The following FER1L5 variants were observed in gnomAD, a reference collection of about 807,000 sequenced individuals.
FER1L5 encodes the protein fer-1-like protein 5.
In FER1L5, 187 loss-of-function variants were observed where a neutral mutation model predicts 279.9. The ratio of observed to expected loss-of-function variants is 0.67; its 90% CI spans 0.59 to 0.75. The LOEUF (loss-of-function observed/expected upper bound fraction) is 0.75, where lower values mean the gene tolerates loss of function less well. FER1L5 is among the 30% of genes least tolerant of loss of function. FER1L5 has a pLI of 0.00. For missense variants in FER1L5, 2,091 were observed against 2,594.4 expected (o/e 0.81, Z 4.21); for synonymous variants, 921 against 989.7 (o/e 0.93, Z 1.30).
rs1323753114 is a variant in FER1L5, at chr2:96,691,523, A to G, written c.2986A>G (p.Ser996Gly). 1.3e-6 allele frequency: 2 copies of G among 1,550,210 alleles called. No individual in the cohort carries two copies. Among genetic ancestry groups the G allele is most frequent in the African/African-American group, 1.4e-5 (1 of 73,000 alleles). The change falls in exon 29 of 53, where the codon AGC (serine) becomes GGC (glycine). Residue 996 changes from serine to glycine, a missense_variant. Ser to Gly is a moderately conservative substitution (Grantham distance 56). Coordinates refer to ENST00000624922, the MANE Select transcript of FER1L5 (RefSeq NM_001293083.2). The surrounding 1 kb of genome is among the most constrained non-coding windows in gnomAD (Gnocchi z 6.0). The stretch of plus-strand genomic sequence containing the variant: ...GTTCCACCTCAACCCTCAGCCCCAG[A>G]GCCGGTTCCGCCGCCGCTGCTGGCG... Reference protein sequence around the residue: ...SKFHLNPQPQSRFRRRCWRRR... With the variant: ...SKFHLNPQPQGRFRRRCWRRR...
At chr2:96,653,222 C>T (rs971707396) in intron 7 of FER1L5, 7 of 218,108 alleles carry the variant, frequency 3.2e-5, no homozygotes, top group Non-Finnish European at 6.3e-5. Flanking sequence ...ATAGGAAACC[C>T]TCTAGGAGCC....
chr2:96,696,014 C>T (rs375084903), intron 36 of FER1L5, 38 bp from the exon 37 acceptor site: 30 of 1,613,302 alleles, frequency 1.9e-5, no homozygotes, highest in Non-Finnish European at 2.5e-5. Context: ...CAGCCCTCTC[C>T]CCATCCTGAG....
At chr2:96,653,354 T>C (rs1573789240) in intron 7 of FER1L5, 2 of 375,008 alleles carry the variant, frequency 5.3e-6, no homozygotes, top group East Asian at 1.3e-4. Context: ...TCTGGAATAT[T>C]TGCATTGTAC....
At chr2:96,686,808 A>G (rs958963886) in intron 23 of FER1L5, among the ~76,000 whole-genome samples, 1 of 143,908 alleles carries the variant, frequency 6.9e-6, no homozygotes. Flanking sequence ...CAGTGAGCTG[A>G]GATCGTGACA....
intron 13 of FER1L5, among the ~76,000 whole-genome samples, 193 bp from the exon 14 acceptor site, chr2:96,663,246 C>T (rs1326414634): frequency 6.6e-6 from 1 of 152,186 alleles, no homozygotes; most frequent in Non-Finnish European, 1.5e-5. Flanking sequence ...CTGGCAAACA[C>T]CTCGGGTAAG....
At chr2:96,704,172 G>T (rs368283525) in intron 51 of FER1L5, 43 bp from the exon 52 acceptor site, 25 of 1,605,794 alleles carry the variant, frequency 1.6e-5, no homozygotes, top group East Asian at 4.5e-5. Context: ...TGACCTGAAG[G>T]TTCTCCCTGC....
chr2:96,687,341 A>G (rs1334215489), intron 23 of FER1L5, among the ~76,000 whole-genome samples: 1 of 152,216 alleles, frequency 6.6e-6, no homozygotes, highest in Non-Finnish European at 1.5e-5. Context: ...AGTCCTTCGC[A>G]TCCCGCAAGA....
chr2:96,695,891 C>T lies in FER1L5; in HGVS notation c.4044C>T (p.His1348=). The change falls in exon 36 of 53, where the codon CAC becomes CAT. Residue 1348 remains histidine, a synonymous_variant. Transcript: ENST00000624922. ...FCDPWAQDYM[H]PKLPTLSEKK... ...ACCCCTGGGCTCAAGACTATATGCA[C>T]CCAAAGCTTCCAAGTACGGCCCTTC... 1.2e-6 allele frequency: 2 copies of T among 1,613,584 alleles called. No individual in the cohort carries two copies. Among genetic ancestry groups the T allele is most frequent in the Non-Finnish European group, 8.5e-7 (1 of 1,179,800 alleles).
intron 9 of FER1L5, among the ~76,000 whole-genome samples, chr2:96,659,358 C>CTTCCTTCCTTCTTTCCTTCTTTCCTTCT (rs2075779229): frequency 3.3e-5 from 2 of 60,582 alleles, no homozygotes; most frequent in African/African-American, 1.3e-4. Flanking sequence ...TCCTTCCTTC[C>CTTCCTTCCTTCTTTCCTTCTTTCCTTCT]TTCCTTCTTT....
intron 19 of FER1L5, among the ~76,000 whole-genome samples, chr2:96,678,102 C>CT (rs60088196): frequency 1.1e-4 from 16 of 146,580 alleles, no homozygotes; most frequent in South Asian, 4.3e-4. Context: ...CACTGAGCAC[C>CT]TTTTTTTTTT....
chr2:96,659,608 G>C (rs369160546), intron 9 of FER1L5, among the ~76,000 whole-genome samples: 6 of 149,536 alleles, frequency 4.0e-5, no homozygotes, highest in Admixed American at 2.7e-4. Context: ...TCTCCTGCCT[G>C]AACCTCCCTA....
Position 96,694,637 on chromosome 2 carries a change from A to G in FER1L5, c.3741+173A>G. The G allele has an allele frequency of 2.0e-6, 1 of 511,580 alleles. No homozygotes were observed. The highest frequency in any genetic ancestry group is 3.4e-6 in the Non-Finnish European group (1 of 297,134). 31.7% of individuals were successfully genotyped at this position (511,580 alleles called of 1,614,324 possible). On this transcript the variant is annotated intron_variant, in intron 34 of 52. Coordinates refer to ENST00000624922, the MANE Select transcript of FER1L5 (RefSeq NM_001293083.2). The surrounding 1 kb of genome is among the most constrained non-coding windows in gnomAD (Gnocchi z 4.6). ...AGAAACGAAGAGGTTCTGGTGTAAC[A>G]CTGGAAATCATTTTACCACAAACCT...
chr2:96,646,967 G>A (rs2106417983), intron 2 of FER1L5, 97 bp from the exon 3 acceptor site: 1 of 1,249,150 alleles, frequency 8.0e-7, no homozygotes, highest in Middle Eastern at 1.9e-4. Context: ...TTAGAGAAAT[G>A]CAGTGCCAGC....
Position 96,646,410 on chromosome 2 carries a change from A to T in FER1L5, c.95A>T (p.Lys32Ile), listed in dbSNP as rs754135057. Residue 32 changes from lysine to isoleucine, a missense_variant, in exon 2 of 53, where the codon AAA (lysine) becomes ATA (isoleucine). Transcript: ENST00000624922. ...CTTGGTTTCTTTGCAGATATCAAGAAAAGAACTCGTGTGGTGGAAGGGAAT... is the reference window on the plus strand; with the variant it reads ...CTTGGTTTCTTTGCAGATATCAAGATAAGAACTCGTGTGGTGGAAGGGAAT... ...CMSIDFRDIK[K>I]RTRVVEGNDP... 7.7e-6 allele frequency: 12 copies of T among 1,551,810 alleles called. No individual in the cohort carries two copies. Among genetic ancestry groups the T allele is most frequent in the Middle Eastern group, 1.7e-4 (1 of 5,994 alleles).
chr2:96,704,382 G>T lies in FER1L5; in HGVS notation c.5949+20G>T. On this transcript the variant is annotated intron_variant, in intron 52 of 52. Coordinates refer to ENST00000624922, the MANE Select transcript of FER1L5 (RefSeq NM_001293083.2). Reference sequence around the variant, plus strand: ...GCTCCGGTGAGTGGCAGCCATGGGGGCAAGGACAAAGGTGGTCTCGGGATG... The same window carrying T: ...GCTCCGGTGAGTGGCAGCCATGGGGTCAAGGACAAAGGTGGTCTCGGGATG... 1 of 1,613,496 alleles carries T rather than the reference G, an allele frequency of 6.2e-7. No homozygotes were observed. Among genetic ancestry groups the T allele is most frequent in the Non-Finnish European group, 8.5e-7 (1 of 1,179,522 alleles).
Position 96,697,512 on chromosome 2 carries a change from C to G in FER1L5, c.4084-14C>G. On this transcript the variant is annotated splice_polypyrimidine_tract_variant and intron_variant, in intron 37 of 52. Coordinates refer to ENST00000624922, the MANE Select transcript of FER1L5 (RefSeq NM_001293083.2). ...GAGCTATGGCTTTCCCTTGCTCACC[C>G]TCTCCTTTTTCAGTTCCTAGGCTAC... The G allele has an allele frequency of 5.0e-6, 8 of 1,612,330 alleles. No individual in the cohort carries two copies. The highest frequency in any genetic ancestry group is 1.3e-5 in the African/African-American group (1 of 75,046).
At position 96,684,376 on chromosome 2, in the gene FER1L5, C is replaced by A; in HGVS notation, c.1719C>A (p.Ala573=). The change falls in exon 20 of 53, where the codon GCC becomes GCA. Residue 573 remains alanine, a synonymous_variant. Transcript: ENST00000624922. ...GGTACAACACCAAGCCTGTCGTGGCCGTGACCTCCAACTGGGAGGACGTCA... is the reference window on the plus strand; with the variant it reads ...GGTACAACACCAAGCCTGTCGTGGCAGTGACCTCCAACTGGGAGGACGTCA... ...VPWYNTKPVV[A]VTSNWEDVSF... is the part of the protein sequence containing the mutation. The A allele has an allele frequency of 6.4e-7, 1 of 1,551,670 alleles. No individual in the cohort carries two copies. The highest frequency in any genetic ancestry group is 8.7e-7 in the Non-Finnish European group (1 of 1,146,988).
At chr2:96,664,653 C>T (rs918071967) in intron 14 of FER1L5, among the ~76,000 whole-genome samples, 1 of 152,154 alleles carries the variant, frequency 6.6e-6, no homozygotes, top group Non-Finnish European at 1.5e-5. Flanking sequence ...TTGTGTACAA[C>T]CCTTAGCATA....
At chr2:96,645,726 A>G (rs1401977497) in intron 1 of FER1L5, among the ~76,000 whole-genome samples, 3 of 152,134 alleles carry the variant, frequency 2.0e-5, no homozygotes, top group Non-Finnish European at 2.9e-5. Context: ...CATTGAGCCC[A>G]CATCATGCCA....
Sources: allele counts gnomAD v4.1 joint callset (sites outside exome capture counted in the v4.1 genomes callset), GRCh38; gene constraint gnomAD v4.1.1; non-coding constraint Gnocchi (gnomAD v3.1); transcripts MANE v1.5; gene names NCBI Gene and HGNC (gene_info 2026-07-23, HGNC 2026-07-21).